ZNF420: variants seen among roughly 807,000 people sequenced by gnomAD.
ZNF420 encodes the protein zinc finger protein 420.
ZNF420 carries 31 observed loss-of-function variants against 44.7 expected under a neutral mutation model. The observed-to-expected ratio is 0.69, with a 90% CI of 0.52 to 0.94. The LOEUF (loss-of-function observed/expected upper bound fraction) is 0.94. Ranked by LOEUF, ZNF420 falls within the 40% of genes least tolerant of loss-of-function variation. ZNF420 has a pLI of 0.00. For missense variants in ZNF420, 681 were observed against 827.9 expected (o/e 0.82, Z 2.18); for synonymous variants, 245 against 267.4 (o/e 0.92, Z 0.82).
chr19:37,076,840 G>C (rs553921184), upstream of ZNF420, among the ~76,000 whole-genome samples: 2 of 152,256 alleles, frequency 1.3e-5, no homozygotes, highest in African/African-American at 4.8e-5. Context: ...ACATACGTGT[G>C]CATGTGAATT....
At chr19:37,127,074 TC>T in intron 4 of ZNF420, 53 bp from the exon 5 acceptor site, 2 of 1,382,588 alleles carry the variant, frequency 1.4e-6, no homozygotes, top group Non-Finnish European at 1.9e-6. Context: ...CTATTATTTG[TC>T]TTTTCTATAG....
intron 4 of ZNF420, among the ~76,000 whole-genome samples, chr19:37,122,394 A>G (rs191112606): frequency 3.2e-4 from 48 of 149,224 alleles, no homozygotes; most frequent in African/African-American, 1.0e-3. Flanking sequence ...GTTCTCACTC[A>G]TAGGTGGGAA....
At chr19:37,116,159 C>T (rs149586313) in intron 4 of ZNF420, among the ~76,000 whole-genome samples, 25 of 151,866 alleles carry the variant, frequency 1.6e-4, no homozygotes, top group African/African-American at 5.8e-4. Context: ...CTTTCTTTTC[C>T]CCACAAAGAC....
At chr19:37,075,720 C>T (rs1392659229), upstream of ZNF420, among the ~76,000 whole-genome samples, 5 of 152,046 alleles carry the variant, frequency 3.3e-5, no homozygotes, top group South Asian at 2.1e-4. Flanking sequence ...CCAGCCCGGG[C>T]GACAGAGTGA....
At chr19:37,052,040 G>A (rs1967648455) in intron 1 of ZNF420, among the ~76,000 whole-genome samples, 1 of 152,124 alleles carries the variant, frequency 6.6e-6, no homozygotes, top group South Asian at 2.1e-4. Context: ...ATGAATCTGG[G>A]TGCTCCTGTA....
At chr19:37,091,611 T>A (rs1226785272) in intron 4 of ZNF420, 1 of 152,178 alleles carries the variant, frequency 6.6e-6, no homozygotes, top group African/African-American at 2.4e-5. Context: ...TTATATGTGC[T>A]TGGTAGTTGA....
chr19:37,121,500 T>C (rs955180888), intron 4 of ZNF420, among the ~76,000 whole-genome samples: 1 of 151,686 alleles, frequency 6.6e-6, no homozygotes, highest in Non-Finnish European at 1.5e-5. Context: ...ACTTAAACGT[T>C]AGACCTAAAA....
chr19:37,120,575 G>A (rs1241181671), intron 4 of ZNF420, among the ~76,000 whole-genome samples: 1 of 152,160 alleles, frequency 6.6e-6, no homozygotes, highest in Non-Finnish European at 1.5e-5. Context: ...AGACAGAGAT[G>A]CCCTCTCTCA....
rs1392610463 is a variant in ZNF420 at position 37,121,144 on chromosome 19, C to G, written c.137-5984C>G. Among the ~76,000 whole-genome samples the G allele has an allele frequency of 4.1e-5, 6 of 145,964 alleles. No individual in the cohort carries two copies. The East Asian group carries it at 1.2e-3, about 29-fold the overall frequency. On this transcript the variant is annotated intron_variant, in intron 4 of 4. Transcript: ENST00000337995. ...AACTACTTTAAAGTTCATATGGAAC[C>G]AAAAAAGAGCCCGCATTGCCAAGTC...
In ZNF420 at chr19:37,119,988, C is replaced by CCA. The variant is rs1305786761; in HGVS notation, c.137-7139_137-7138dup. ...AATTGTGGCAATAATCAATAGCTTA[C>CCA]CAACCAAAAAGAGTCCAGGACCAGA... On this transcript the variant is annotated intron_variant, in intron 4 of 4. Transcript: ENST00000337995. Among the ~76,000 whole-genome samples, 70 of 151,940 alleles carry CCA rather than the reference C, an allele frequency of 4.6e-4. No individual in the cohort carries two copies. The Middle Eastern group carries it at 0.01, about 22-fold the overall frequency.
chr19:37,025,575 G>A (rs757214941), intron 1 of ZNF420, among the ~76,000 whole-genome samples: 9 of 151,924 alleles, frequency 5.9e-5, no homozygotes, highest in Admixed American at 5.3e-4. Context: ...TACCTATCAT[G>A]TACTTGTTTC....
rs750506885 is a variant in ZNF420 at position 37,130,078 on chromosome 19, A to C, written c.*1020A>C. On this transcript the variant is annotated 3_prime_UTR_variant, in exon 5 of 5. Coordinates refer to ENST00000337995, the MANE Select transcript of ZNF420 (RefSeq NM_144689.5). ...ACAAGATAGAAGTGATATTTATATG[A>C]GTAGGAGATTTACGAAATCCATTTT... 5.2e-6 allele frequency: 8 copies of C among 1,550,356 alleles called. No individual in the cohort carries two copies. In the Middle Eastern group the frequency reaches 1.0e-3, roughly 194 times the overall value.
At chr19:37,121,980 T>C (rs966432250) in intron 4 of ZNF420, among the ~76,000 whole-genome samples, 7 of 152,188 alleles carry the variant, frequency 4.6e-5, no homozygotes, top group African/African-American at 1.2e-4. Flanking sequence ...CTGGAGAGGA[T>C]GTGGAGAAAT....
intron 1 of ZNF420, among the ~76,000 whole-genome samples, chr19:37,019,333 T>C (rs2074629652): frequency 6.6e-6 from 1 of 152,170 alleles, no homozygotes; most frequent in Non-Finnish European, 1.5e-5. Context: ...GAGATACTAC[T>C]TTATCTCCAT....
Position 37,129,972 on chromosome 19 carries a change from C to CT in ZNF420, c.*920dup. On this transcript the variant is annotated 3_prime_UTR_variant, in exon 5 of 5. Coordinates refer to ENST00000337995, the MANE Select transcript of ZNF420 (RefSeq NM_144689.5). Reference sequence around the variant, plus strand: ...TGATGAGAGTTTGTGATACAGACTGCTTTTTTCCTACCCTATATCTATTTT... The same window carrying CT: ...TGATGAGAGTTTGTGATACAGACTGCTTTTTTTCCTACCCTATATCTATTTT... 2.1e-6 allele frequency: 3 copies of CT among 1,444,046 alleles called. No homozygotes were observed. Among genetic ancestry groups the CT allele is most frequent in the Non-Finnish European group, 2.7e-6 (3 of 1,096,478 alleles). 89.5% of individuals were successfully genotyped at this position (1,444,046 alleles called of 1,614,324 possible). A position where few individuals can be genotyped will look rare whatever the true frequency, so the allele number is the denominator to read the frequency against.
chr19:37,064,643 G>T (rs1967934835), intron 1 of ZNF420, among the ~76,000 whole-genome samples: 1 of 152,130 alleles, frequency 6.6e-6, no homozygotes, highest in African/African-American at 2.4e-5. Flanking sequence ...CCTAGAAGAA[G>T]CCACTATCCC....
intron 2 of ZNF420, among the ~76,000 whole-genome samples, chr19:37,088,335 T>C (rs1007159741): frequency 2.0e-5 from 3 of 152,244 alleles, no homozygotes; most frequent in Admixed American, 1.3e-4. Flanking sequence ...TTGCTGAATT[T>C]ATCTACTTTC....
intron 4 of ZNF420, among the ~76,000 whole-genome samples, chr19:37,106,207 T>G (rs1003671928): frequency 2.6e-5 from 4 of 152,210 alleles, no homozygotes; most frequent in African/African-American, 9.6e-5. Flanking sequence ...CCTAATTTAT[T>G]GGGAGTTTTT....
At position 37,044,595 on chromosome 19, in the gene ZNF420, G is replaced by A. The variant is rs563925799; in HGVS notation, c.-124-35750G>A. 2.6e-5 allele frequency among the ~76,000 whole-genome samples: 4 copies of A among 152,220 alleles called. No homozygotes were observed. In the East Asian group the frequency reaches 7.7e-4, roughly 29 times the overall value. On this transcript the variant is annotated intron_variant, in intron 1 of 4. Coordinates refer to the ZNF420 transcript ENST00000587029. Reference sequence around the variant, plus strand: ...AATAATGTTTTCCAGGCCGGGTGCGGTGGCTCATGCCTGTAATCCCAGGAC... The same window carrying A: ...AATAATGTTTTCCAGGCCGGGTGCGATGGCTCATGCCTGTAATCCCAGGAC...
Sources: allele counts gnomAD v4.1 joint callset (sites outside exome capture counted in the v4.1 genomes callset), GRCh38; gene constraint gnomAD v4.1.1; transcripts MANE v1.5; gene names NCBI Gene and HGNC (gene_info 2026-07-23, HGNC 2026-07-21).